The following RIPOR2 variants were observed in gnomAD, a reference collection of about 807,000 sequenced individuals.
The protein encoded by RIPOR2 is RHO family interacting cell polarization regulator 2.
In RIPOR2, 39 loss-of-function variants were observed where a neutral mutation model predicts 114.5. The ratio of observed to expected loss-of-function variants is 0.34; its 90% CI spans 0.26 to 0.44. The LOEUF (loss-of-function observed/expected upper bound fraction) is 0.44. RIPOR2 is among the 20% of genes least tolerant of loss of function. The probability of loss-of-function intolerance (pLI) is 1.00; values close to 1 mark genes in which losing one functional copy is unlikely to be tolerated. For missense variants in RIPOR2, 1,007 were observed against 1,255.1 expected (o/e 0.80, Z 2.99); for synonymous variants, 445 against 484.4 (o/e 0.92, Z 1.07).
chr6:24,854,405 A>G (rs1763244202), intron 8 of RIPOR2, among the ~76,000 whole-genome samples: 1 of 152,202 alleles, frequency 6.6e-6, no homozygotes, highest in South Asian at 2.1e-4. Flanking sequence ...GCATTCGACA[A>G]TGTTTCTTGG....
intron 1 of RIPOR2, among the ~76,000 whole-genome samples, chr6:25,006,074 G>A (rs1426756797): frequency 6.6e-6 from 1 of 152,118 alleles, no homozygotes; most frequent in Admixed American, 6.5e-5. Context: ...ATAGGAAAAT[G>A]AGACTACAAC....
At position 24,805,048 on chromosome 6, in the gene RIPOR2, T is replaced by A. The variant is rs999343214; in HGVS notation, c.*1325A>T. The A allele has an allele frequency of 1.2e-4, 19 of 152,208 alleles. No homozygotes were observed. The highest frequency in any genetic ancestry group is 2.2e-4 in the Non-Finnish European group (15 of 67,998). The allele number at this position is 152,208 out of a possible 1,614,324, so 9.4% of individuals were successfully genotyped here. A position where few individuals can be genotyped will look rare whatever the true frequency, so the allele number is the denominator to read the frequency against. Reference sequence around the variant, plus strand: ...GTCCTTCTTTCTAATCCCACGGTCATTTTTACAGAAGGAGGGACCACTTTA... The same window carrying A: ...GTCCTTCTTTCTAATCCCACGGTCAATTTTACAGAAGGAGGGACCACTTTA... On this transcript the variant is annotated 3_prime_UTR_variant, in exon 22 of 22. Coordinates refer to ENST00000643898, the MANE Select transcript of RIPOR2 (RefSeq NM_001286445.3).
At chr6:25,031,738 TATATATATATATAA>T (rs1776974414) in intron 1 of RIPOR2, among the ~76,000 whole-genome samples, 2 of 84,678 alleles carry the variant, frequency 2.4e-5, no homozygotes, top group Non-Finnish European at 4.8e-5. Flanking sequence ...TATATATATA[TATATATATATATAA>T]AATATCCATA....
At position 24,872,975 on chromosome 6, in the gene RIPOR2, A is replaced by G. The variant is rs116261516; in HGVS notation, c.345-16T>C. The G allele has an allele frequency of 4.9e-5, 77 of 1,566,676 alleles. No homozygotes were observed. The highest frequency in any genetic ancestry group is 6.4e-5 in the Non-Finnish European group (73 of 1,137,248). On this transcript the variant is annotated splice_polypyrimidine_tract_variant and intron_variant, in intron 3 of 21. Transcript: ENST00000643898. ...CAGATATTCACTGCAAAGATAAGAC[A>G]AGATGTAATCGTAATCTCTGCGCCT...
chr6:24,969,062 C>A (rs1581890530), intron 1 of RIPOR2, among the ~76,000 whole-genome samples: 1 of 152,158 alleles, frequency 6.6e-6, no homozygotes, highest in Admixed American at 6.5e-5. Flanking sequence ...TGTGAAAAAG[C>A]CCTTAGGTAT....
chr6:24,999,552 C>G (rs535337453), intron 1 of RIPOR2, among the ~76,000 whole-genome samples: 7 of 134,896 alleles, frequency 5.2e-5, no homozygotes, highest in Non-Finnish European at 9.5e-5. Context: ...TATTTTCTGA[C>G]TCATCCTTTT....
chr6:24,968,972 T>C (rs1027631644), intron 1 of RIPOR2, among the ~76,000 whole-genome samples: 8 of 152,130 alleles, frequency 5.3e-5, no homozygotes, highest in Non-Finnish European at 1.0e-4. Flanking sequence ...AGGTGGCCCG[T>C]TTAATCACCT....
At position 24,805,917 on chromosome 6, in the gene RIPOR2, G is replaced by A. The variant is rs1478299037; in HGVS notation, c.*456C>T. 5 of 161,272 alleles carry A rather than the reference G, an allele frequency of 3.1e-5. No individual in the cohort carries two copies. Among genetic ancestry groups the A allele is most frequent in the African/African-American group, 9.6e-5 (4 of 41,466 alleles). 10.0% of individuals were successfully genotyped at this position (161,272 alleles called of 1,614,324 possible). ...GATAGGTACTGTGAAACGAGACTCTGAATTCTTTCTATAACATGTTTTTTT... is the reference window on the plus strand; with the variant it reads ...GATAGGTACTGTGAAACGAGACTCTAAATTCTTTCTATAACATGTTTTTTT... On this transcript the variant is annotated 3_prime_UTR_variant, in exon 22 of 22. Transcript: ENST00000643898.
intron 1 of RIPOR2, among the ~76,000 whole-genome samples, chr6:24,915,354 CTTTTT>C (rs571125440): frequency 7.5e-6 from 1 of 132,896 alleles, no homozygotes. Flanking sequence ...TCTGTCTGTA[CTTTTT>C]TTTTTTTTTT....
intron 7 of RIPOR2, among the ~76,000 whole-genome samples, chr6:24,863,841 T>C (rs1764324374): frequency 6.6e-6 from 1 of 152,256 alleles, no homozygotes; most frequent in African/African-American, 2.4e-5. Context: ...TTAGAGCCAC[T>C]ACTAGATCTT....
In RIPOR2 at chr6:24,986,919, TAA is replaced by T. The variant is rs11358710; in HGVS notation, c.76+54930_76+54931del. On this transcript the variant is annotated intron_variant, in intron 1 of 13. Transcript: ENST00000510784. The stretch of plus-strand genomic sequence containing the variant: ...CGAACACTAATGGTAGCTGATGAGC[TAA>T]AAAAAAAAAAAATTGCAAAAAATCT... Among the ~76,000 whole-genome samples the T allele has an allele frequency of 3.5e-3, 513 of 145,764 alleles. 4 individuals carry two copies. Among genetic ancestry groups the T allele is most frequent in the East Asian group, 0.021 (109 of 5,074 alleles).
At position 24,833,415 on chromosome 6, in the gene RIPOR2, C is replaced by T. The variant is rs933043211; in HGVS notation, c.2209-1024G>A. The stretch of plus-strand genomic sequence containing the variant: ...ACTCAGGAGGCTGAGGCAGGAGAGT[C>T]GCTTGAACCCTGGAGGCGGAGGCTG... On this transcript the variant is annotated intron_variant, in intron 15 of 21. Coordinates refer to ENST00000643898, the MANE Select transcript of RIPOR2 (RefSeq NM_001286445.3). Among the ~76,000 whole-genome samples, 196 of 152,102 alleles carry T rather than the reference C, an allele frequency of 1.3e-3. 2 individuals are homozygous for T. Among genetic ancestry groups the T allele is most frequent in the Non-Finnish European group, 1.6e-3 (109 of 68,006 alleles).
chr6:24,897,413 T>C (rs1195948158), intron 1 of RIPOR2, among the ~76,000 whole-genome samples: 2 of 152,208 alleles, frequency 1.3e-5, no homozygotes, highest in African/African-American at 4.8e-5. Flanking sequence ...GGCCACAGCG[T>C]GGACAGGTGG....
intron 1 of RIPOR2, among the ~76,000 whole-genome samples, chr6:24,967,998 C>T (rs968845966): frequency 5.9e-5 from 9 of 151,472 alleles, no homozygotes; most frequent in East Asian, 3.9e-4. Context: ...CTGCAACCTC[C>T]GCCTCCCAGG....
At chr6:24,878,520 G>C (rs937904257) in intron 1 of RIPOR2, among the ~76,000 whole-genome samples, 1 of 152,004 alleles carries the variant, frequency 6.6e-6, no homozygotes, top group Non-Finnish European at 1.5e-5. Context: ...TAGAGTATTC[G>C]AAATATTTAA....
chr6:24,882,111 G>A (rs1409800645), intron 1 of RIPOR2, among the ~76,000 whole-genome samples: 1 of 152,218 alleles, frequency 6.6e-6, no homozygotes, highest in Non-Finnish European at 1.5e-5. Flanking sequence ...TGCAGCTCAT[G>A]GTAGTGCCAC....
intron 12 of RIPOR2, chr6:24,847,513 C>CA (rs1324242077): frequency 2.6e-6 from 4 of 1,542,356 alleles, no homozygotes; most frequent in African/African-American, 1.4e-5. Context: ...AGAAGTCAAG[C>CA]ACTCCATACC....
At chr6:24,850,097 CTT>C (rs5875008) in intron 10 of RIPOR2, 147 bp from the exon 11 acceptor site, 14,165 of 427,194 alleles carry the variant, frequency 0.033, no homozygotes, top group Middle Eastern at 0.042. Flanking sequence ...TTTTCTTTTT[CTT>C]TTTTTTTTTT....
At chr6:24,827,017 C>T (rs1044843561) in intron 18 of RIPOR2, among the ~76,000 whole-genome samples, 5 of 151,574 alleles carry the variant, frequency 3.3e-5, no homozygotes. Flanking sequence ...ATGAGTAGGC[C>T]TTCTTGGGGA....
Sources: allele counts gnomAD v4.1 joint callset (sites outside exome capture counted in the v4.1 genomes callset), GRCh38; gene constraint gnomAD v4.1.1; transcripts MANE v1.5; gene names NCBI Gene and HGNC (gene_info 2026-07-23, HGNC 2026-07-21).